Variants in ADNP2 observed in about 807,000 individuals in gnomAD.
ADNP2 encodes activity-dependent neuroprotector homeobox protein 2.
A neutral mutation model predicts 16.4 loss-of-function variants in ADNP2; 8 were observed. That is an observed-to-expected ratio of 0.49 (90% CI 0.29 to 0.88). The LOEUF (loss-of-function observed/expected upper bound fraction) is 0.88. Among genes scored for constraint, ADNP2 ranks in the 40% least tolerant of loss-of-function variants. The pLI is 0.09. For missense variants in ADNP2, 1,397 were observed against 1,395.1 expected (o/e 1.00, Z -0.02); for synonymous variants, 637 against 545.8 (o/e 1.17, Z -2.33).
At chr18:80,115,442 C>G (rs1199774802) in intron 1 of ADNP2, among the ~76,000 whole-genome samples, 3 of 152,160 alleles carry the variant, frequency 2.0e-5, no homozygotes, top group Admixed American at 2.0e-4. Context: ...CAGGCACTCT[C>G]AGTGGGCAGA....
In ADNP2 at chr18:80,136,201, A is replaced by G. The variant is rs2052532347; in HGVS notation, c.788A>G (p.Gln263Arg). The change falls in exon 4 of 4, where the codon CAA (glutamine) becomes CGA (arginine). Residue 263 changes from glutamine to arginine, a missense_variant. Gln to Arg is a conservative substitution (Grantham distance 43). Coordinates refer to ENST00000262198, the MANE Select transcript of ADNP2 (RefSeq NM_014913.4). The part of the protein sequence containing the change: ...EHIKRTGLLK[Q>R]THIAPKPAAH... ...ATTAAGAGGACTGGACTCTTGAAGC[A>G]AACGCACATTGCTCCAAAACCAGCA... The G allele has an allele frequency of 6.2e-7, 1 of 1,614,258 alleles. No individual in the cohort carries two copies. Among genetic ancestry groups the G allele is most frequent in the Non-Finnish European group, 8.5e-7 (1 of 1,180,046 alleles).
chr18:80,111,383 G>A (rs1194395398), intron 1 of ADNP2, among the ~76,000 whole-genome samples: 1 of 152,086 alleles, frequency 6.6e-6, no homozygotes, highest in Non-Finnish European at 1.5e-5. Context: ...GCCAGCTGAG[G>A]CCTGGAGAGA....
At position 80,136,968 on chromosome 18, in the gene ADNP2, C is replaced by G; in HGVS notation, c.1555C>G (p.Leu519Val). The change falls in exon 4 of 4, where the codon CTT (leucine) becomes GTT (valine). Residue 519 changes from leucine to valine, a missense_variant. Transcript: ENST00000262198. ...ISAGQVVPSG[L>V]LSPNQTVSSS... ...TGCAGGCCAGGTGGTCCCGTCTGGG[C>G]TTCTTTCTCCCAACCAGACAGTCTC... 6.2e-7 allele frequency: 1 copy of G among 1,613,874 alleles called. No individual in the cohort carries two copies.
At chr18:80,120,728 C>T (rs558144101) in intron 2 of ADNP2, among the ~76,000 whole-genome samples, 36 of 152,204 alleles carry the variant, frequency 2.4e-4, no homozygotes, top group Non-Finnish European at 4.6e-4. Context: ...ATCTCTGACT[C>T]ACTGCAACCT....
chr18:80,122,535 G>T (rs1351168598), intron 2 of ADNP2, among the ~76,000 whole-genome samples: 1 of 152,142 alleles, frequency 6.6e-6, no homozygotes, highest in African/African-American at 2.4e-5. Context: ...CATTGTGTAA[G>T]GCTTTCACTT....
chr18:80,134,752 T>C (rs1171422527), intron 3 of ADNP2, among the ~76,000 whole-genome samples: 1 of 152,200 alleles, frequency 6.6e-6, no homozygotes, highest in East Asian at 1.9e-4. Flanking sequence ...AAATCCCATA[T>C]GGTCAGTGTT....
intron 1 of ADNP2, among the ~76,000 whole-genome samples, chr18:80,112,713 A>G (rs1280121506): frequency 6.6e-6 from 1 of 152,174 alleles, no homozygotes; most frequent in Non-Finnish European, 1.5e-5. Flanking sequence ...AGGTTCATGT[A>G]TGTACAACCA....
intron 2 of ADNP2, among the ~76,000 whole-genome samples, chr18:80,121,485 G>A (rs1309088282): frequency 6.6e-6 from 1 of 152,166 alleles, no homozygotes; most frequent in Admixed American, 6.5e-5. Context: ...TCTTCTACAG[G>A]TTGTCTTTAC....
rs201889297 is a variant in ADNP2, at chr18:80,136,674, G to T, written c.1261G>T (p.Val421Leu). Residue 421 changes from valine to leucine, a missense_variant, in exon 4 of 4, where the codon GTG (valine) becomes TTG (leucine). Val to Leu is a conservative substitution (Grantham distance 32, BLOSUM62 1). This residue lies in a region of ADNP2 where 777 missense variants were observed against 719.4 expected (regional missense o/e 1.08). Transcript: ENST00000262198. ...NRPVGPGVLP[V>L]SPSVTPGVLQ... ...ACCTGTTGGGCCTGGTGTTCTTCCT[G>T]TGAGCCCCTCTGTCACCCCTGGGGT... 6.8e-5 allele frequency: 110 copies of T among 1,613,278 alleles called. No homozygotes were observed. Among genetic ancestry groups the T allele is most frequent in the Non-Finnish European group, 8.0e-5 (94 of 1,179,572 alleles).
At chr18:80,112,578 T>G (rs1043868862) in intron 1 of ADNP2, among the ~76,000 whole-genome samples, 2 of 152,138 alleles carry the variant, frequency 1.3e-5, no homozygotes, top group Non-Finnish European at 1.5e-5. Flanking sequence ...AAAGTTCCTA[T>G]TTTTCAAATT....
chr18:80,135,738 C>T lies in ADNP2; in HGVS notation c.325C>T (p.Pro109Ser). The T allele has an allele frequency of 6.2e-7, 1 of 1,614,168 alleles. No individual in the cohort carries two copies. Among genetic ancestry groups the T allele is most frequent in the Non-Finnish European group, 8.5e-7 (1 of 1,180,024 alleles). ...EIDQELVIPC[P>S]NCVFASQPKV... is the part of the protein sequence containing the mutation. ...TGACCAAGAGCTGGTGATCCCTTGC[C>T]CAAACTGTGTATTTGCATCTCAGCC... The change falls in exon 4 of 4, where the codon CCA becomes TCA. Residue 109 changes from proline to serine, a missense_variant. Around this residue, in one of 3 missense-constraint regions of ADNP2, gnomAD observed 777 missense variants for 719.4 expected, o/e 1.08. Transcript: ENST00000262198.
rs2052535291 is a variant in ADNP2 at position 80,136,422 on chromosome 18, C to G, written c.1009C>G (p.Pro337Ala). The change falls in exon 4 of 4, where the codon CCT becomes GCT. Residue 337 changes from proline (P) to alanine (A), a missense_variant. Coordinates refer to ENST00000262198, the MANE Select transcript of ADNP2 (RefSeq NM_014913.4). ...GQSHMTLVSS[P>A]LPVGQNSLTL... is the part of the protein sequence containing the mutation. ...ATCCCACATGACTCTGGTCTCCAGC[C>G]CTCTGCCTGTGGGCCAGAACAGCCT... is the stretch of plus-strand genomic sequence containing the variant. 3.7e-6 allele frequency: 6 copies of G among 1,614,224 alleles called. No individual in the cohort carries two copies. The highest frequency in any genetic ancestry group is 4.2e-6 in the Non-Finnish European group (5 of 1,180,024).
intron 2 of ADNP2, among the ~76,000 whole-genome samples, chr18:80,120,681 G>A (rs1014298389): frequency 2.0e-4 from 30 of 150,488 alleles, no homozygotes; most frequent in African/African-American, 5.9e-4. Flanking sequence ...TTTTGAGATG[G>A]AATCACTCTG....
chr18:80,113,286 A>G (rs997211454), intron 1 of ADNP2, among the ~76,000 whole-genome samples: 1 of 152,210 alleles, frequency 6.6e-6, no homozygotes, highest in African/African-American at 2.4e-5. Flanking sequence ...TGAGACCAGG[A>G]TACATTTTTC....
At chr18:80,118,890 A>G (rs1444589616) in intron 2 of ADNP2, among the ~76,000 whole-genome samples, 3 of 152,230 alleles carry the variant, frequency 2.0e-5, no homozygotes, top group Non-Finnish European at 2.9e-5. Context: ...TTGAATTAGT[A>G]AAACTATTTT....
At chr18:80,127,880 C>G (rs1568411987) in intron 2 of ADNP2, among the ~76,000 whole-genome samples, 1 of 152,202 alleles carries the variant, frequency 6.6e-6, no homozygotes, top group Admixed American at 6.5e-5. Flanking sequence ...TTACCTTCTC[C>G]TTTCACTAGT....
intron 2 of ADNP2, among the ~76,000 whole-genome samples, chr18:80,130,130 A>G (rs1411607106): frequency 1.3e-5 from 2 of 151,886 alleles, no homozygotes; most frequent in African/African-American, 2.4e-5. Flanking sequence ...CTCTACGGCC[A>G]TTTGTCTTTC....
In ADNP2 at chr18:80,136,425, C is replaced by T. The variant is rs112343118; in HGVS notation, c.1012C>T (p.Leu338=). 7.3e-4 allele frequency: 1,184 copies of T among 1,614,232 alleles called. 6 individuals carry two copies. In the African/African-American group the frequency reaches 0.011, roughly 15 times the overall value. The change falls in exon 4 of 4, where the codon CTG becomes TTG. Residue 338 remains leucine, a synonymous_variant. Transcript: ENST00000262198. ...CCACATGACTCTGGTCTCCAGCCCT[C>T]TGCCTGTGGGCCAGAACAGCCTCAC... ...QSHMTLVSSP[L]PVGQNSLTLQ... is the part of the protein sequence containing the mutation.
chr18:80,128,404 C>T (rs773061637), intron 2 of ADNP2, among the ~76,000 whole-genome samples: 3 of 152,196 alleles, frequency 2.0e-5, no homozygotes, highest in African/African-American at 7.2e-5. Context: ...GTAACCCCAG[C>T]ACTTTGGGAG....
Sources: allele counts gnomAD v4.1 joint callset (sites outside exome capture counted in the v4.1 genomes callset), GRCh38; gene constraint gnomAD v4.1.1; regional missense constraint gnomAD v4.1.1; transcripts MANE v1.5; gene names NCBI Gene and HGNC (gene_info 2026-07-23, HGNC 2026-07-21).